BBS9: variants seen among roughly 807,000 people sequenced by gnomAD.
BBS9 encodes the protein protein PTHB1.
A neutral mutation model predicts 117.7 loss-of-function variants in BBS9; 89 were observed. The ratio of observed to expected loss-of-function variants is 0.76; its 90% CI spans 0.64 to 0.90. BBS9 has a LOEUF of 0.90. BBS9 is among the 40% of genes least tolerant of loss of function. BBS9 has a pLI of 0.00. For missense variants in BBS9, 982 were observed against 1,042.2 expected, an observed-to-expected ratio of 0.94 and a Z score of 0.80; for synonymous variants, 379 against 370.9, an observed-to-expected ratio of 1.02 and a Z score of -0.25.
chr7:33,155,326 G>T (rs1278738632), intron 3 of BBS9, among the ~76,000 whole-genome samples: 2 of 152,140 alleles, frequency 1.3e-5, no homozygotes, highest in Non-Finnish European at 1.5e-5. Flanking sequence ...CAGAAAGCCA[G>T]GACTAGAACT....
intron 21 of BBS9, among the ~76,000 whole-genome samples, chr7:33,596,299 C>G (rs28722796): frequency 7.0e-6 from 1 of 143,514 alleles, no homozygotes; most frequent in South Asian, 2.2e-4. Flanking sequence ...CACACACACA[C>G]TTATATATGT....
chr7:33,430,250 G>T lies in BBS9; in HGVS notation c.2115+42106G>T, dbSNP rs139716761. 7.0e-3 allele frequency among the ~76,000 whole-genome samples: 1,063 copies of T among 152,338 alleles called. 11 individuals are homozygous for T. The highest frequency in any genetic ancestry group is 0.024 in the African/African-American group (1,000 of 41,558). ...CTTACTCAAAAGATGTTGAGAGTCT[G>T]CTCTGTCAAGTAGTATTTAGGCACT... On this transcript the variant is annotated intron_variant, in intron 19 of 22. Coordinates refer to ENST00000242067, the MANE Select transcript of BBS9 (RefSeq NM_198428.3).
chr7:33,408,411 C>G (rs1049097657), intron 19 of BBS9, among the ~76,000 whole-genome samples: 2 of 152,138 alleles, frequency 1.3e-5, no homozygotes, highest in African/African-American at 2.4e-5. Context: ...ATGCCTCACC[C>G]TGCTTTCGCT....
intron 5 of BBS9, among the ~76,000 whole-genome samples, chr7:33,198,023 T>C (rs1203150091): frequency 6.6e-6 from 1 of 151,986 alleles, no homozygotes. Flanking sequence ...TGGTAAAGCT[T>C]GGCATCAGAA....
intron 19 of BBS9, among the ~76,000 whole-genome samples, chr7:33,438,836 G>C (rs897189019): frequency 1.3e-5 from 2 of 152,164 alleles, no homozygotes; most frequent in Non-Finnish European, 2.9e-5. Context: ...CACAAAGCTG[G>C]CGAATGTTCT....
At chr7:33,176,044 T>C (rs1440309429) in intron 4 of BBS9, among the ~76,000 whole-genome samples, 1 of 152,194 alleles carries the variant, frequency 6.6e-6, no homozygotes, top group Non-Finnish European at 1.5e-5. Flanking sequence ...GCCTTCTCCA[T>C]TGAAAAGAGC....
At chr7:33,219,641 T>C (rs546318261) in intron 5 of BBS9, among the ~76,000 whole-genome samples, 1 of 152,240 alleles carries the variant, frequency 6.6e-6, no homozygotes, top group East Asian at 1.9e-4. Context: ...GGACACTCCG[T>C]ATCTAGCTAA....
At chr7:33,150,217 A>G (rs1267280418) in intron 2 of BBS9, among the ~76,000 whole-genome samples, 1 of 152,232 alleles carries the variant, frequency 6.6e-6, no homozygotes, top group Non-Finnish European at 1.5e-5. Context: ...ATGTTTCTGC[A>G]GAGTACCAAA....
chr7:33,388,022 C>T lies in BBS9; in HGVS notation c.1993C>T (p.Leu665Phe), dbSNP rs116262072. ...GATAAATGGTGAAAAATTAGAAGAA[C>T]TCTTATCTGAGAGAGCTGTACAATT... ...LRINGEKLEE[L>F]LSERAVQFRA... The change falls in exon 19 of 23, where the codon CTC becomes TTC. Residue 665 changes from leucine to phenylalanine, a missense_variant. Leu to Phe is a conservative substitution (Grantham distance 22). Transcript: ENST00000242067. 6.2e-4 allele frequency: 1,006 copies of T among 1,613,994 alleles called. 5 individuals carry two copies. The African/African-American group carries it at 0.012, about 19-fold the overall frequency.
At chr7:33,257,450 G>A in intron 6 of BBS9, 40 bp downstream of exon 6, 1 of 1,598,248 alleles carries the variant, frequency 6.3e-7, no homozygotes, top group Non-Finnish European at 8.6e-7. Flanking sequence ...ATGATTTTTT[G>A]GTGCGTTTGT....
At chr7:33,224,962 G>A (rs1029800216) in intron 5 of BBS9, among the ~76,000 whole-genome samples, 4 of 152,022 alleles carry the variant, frequency 2.6e-5, no homozygotes, top group Non-Finnish European at 4.4e-5. Context: ...ATTATGTAAC[G>A]GAAATACATT....
intron 21 of BBS9, among the ~76,000 whole-genome samples, chr7:33,577,818 C>T (rs1335736359): frequency 1.3e-5 from 2 of 152,126 alleles, no homozygotes; most frequent in East Asian, 1.9e-4. Flanking sequence ...AACCAAACAC[C>T]GCATGTTCTC....
At chr7:33,165,030 A>G (rs1795446123) in intron 4 of BBS9, among the ~76,000 whole-genome samples, 1 of 152,092 alleles carries the variant, frequency 6.6e-6, no homozygotes, top group Non-Finnish European at 1.5e-5. Flanking sequence ...TCTGGTGGTG[A>G]CGAAATCTCT....
intron 19 of BBS9, among the ~76,000 whole-genome samples, chr7:33,485,766 T>A (rs1036318757): frequency 4.6e-5 from 7 of 152,198 alleles, no homozygotes; most frequent in Non-Finnish European, 8.8e-5. Context: ...TAGTTGACAC[T>A]CAAATCCAAA....
At chr7:33,180,940 C>T (rs970060801) in intron 5 of BBS9, among the ~76,000 whole-genome samples, 6 of 152,172 alleles carry the variant, frequency 3.9e-5, no homozygotes, top group Non-Finnish European at 5.9e-5. Flanking sequence ...TAAGAAACAT[C>T]ATAAAGGCGA....
At chr7:33,284,046 G>A (rs1278528094) in intron 9 of BBS9, among the ~76,000 whole-genome samples, 2 of 151,994 alleles carry the variant, frequency 1.3e-5, no homozygotes, top group South Asian at 2.1e-4. Flanking sequence ...ACAGGTATAG[G>A]GCCATATCTT....
chr7:33,380,397 G>A (rs1187164426), intron 17 of BBS9: 2 of 156,094 alleles, frequency 1.3e-5, no homozygotes, highest in Non-Finnish European at 2.9e-5. Flanking sequence ...GGACAAGGAG[G>A]TGGATGTGAC....
At chr7:33,266,241 T>A (rs1309248839) in intron 7 of BBS9, among the ~76,000 whole-genome samples, 4 of 152,220 alleles carry the variant, frequency 2.6e-5, no homozygotes, top group African/African-American at 7.2e-5. Context: ...CAGTAAAACT[T>A]CATTTTGTTA....
chr7:33,610,610 A>G (rs977043477), downstream of BBS9, among the ~76,000 whole-genome samples: 3 of 152,238 alleles, frequency 2.0e-5, no homozygotes, highest in East Asian at 1.9e-4. Context: ...CAGAGCCCCC[A>G]TGGCCTAATC....
Sources: allele counts gnomAD v4.1 joint callset (sites outside exome capture counted in the v4.1 genomes callset), GRCh38; gene constraint gnomAD v4.1.1; transcripts MANE v1.5; gene names NCBI Gene and HGNC (gene_info 2026-07-23, HGNC 2026-07-21).